Variants in GRIA2 observed in about 807,000 individuals in gnomAD.
GRIA2 encodes the protein glutamate receptor 2.
Under a neutral mutation model 97.3 loss-of-function variants are expected in GRIA2, and 14 were observed. That is an observed-to-expected ratio of 0.14 (90% confidence interval 0.10 to 0.23). GRIA2 has a LOEUF of 0.23. Among genes scored for constraint, GRIA2 ranks in the 10% least tolerant of loss-of-function variants. GRIA2 has a pLI of 1.00. For missense variants in GRIA2, 558 were observed against 1,069.8 expected (o/e 0.52, Z 6.67); for synonymous variants, 412 against 387.8 (o/e 1.06, Z -0.73).
At chr4:157,282,547 G>T (rs1222847345) in intron 2 of GRIA2, among the ~76,000 whole-genome samples, 1 of 152,056 alleles carries the variant, frequency 6.6e-6, no homozygotes, top group East Asian at 1.9e-4. Context: ...GATGATATGG[G>T]GTTAAGAGGA....
rs1201670749 is a variant in GRIA2, at chr4:157,345,778, G to A, written c.2043+4316G>A. Among the ~76,000 whole-genome samples, 4 of 152,152 alleles carry A rather than the reference G, an allele frequency of 2.6e-5. No individual in the cohort carries two copies. In the East Asian group the frequency reaches 7.7e-4, roughly 29 times the overall value. On this transcript the variant is annotated intron_variant, in intron 12 of 15. Coordinates refer to ENST00000264426, the MANE Select transcript of GRIA2 (RefSeq NM_001083619.3). ...TGGTTGTCTCCTCTGGGAGGATGAA[G>A]GACACAGATTATTCTCTAAATATAT... is the stretch of plus-strand genomic sequence containing the variant.
intron 2 of GRIA2, among the ~76,000 whole-genome samples, chr4:157,267,794 T>C (rs1257706455): frequency 2.6e-5 from 4 of 152,126 alleles, no homozygotes; most frequent in African/African-American, 9.7e-5. Context: ...TTGACATGGC[T>C]GAGTAACAAG....
At chr4:157,318,103 A>G (rs916394649) in intron 5 of GRIA2, among the ~76,000 whole-genome samples, 4 of 152,136 alleles carry the variant, frequency 2.6e-5, no homozygotes, top group African/African-American at 9.7e-5. Context: ...AAATGATATA[A>G]GAATTTATAG....
chr4:157,316,567 A>T (rs1233384246), intron 4 of GRIA2, among the ~76,000 whole-genome samples: 1 of 152,048 alleles, frequency 6.6e-6, no homozygotes, highest in Admixed American at 6.6e-5. Context: ...CTTTCCAAGC[A>T]GACAAGCAGA....
At chr4:157,330,928 C>T (rs1735022634) in intron 6 of GRIA2, among the ~76,000 whole-genome samples, 1 of 151,892 alleles carries the variant, frequency 6.6e-6, no homozygotes, top group African/African-American at 2.4e-5. Flanking sequence ...CCATCATGCT[C>T]CTTTCAAATT....
intron 1 of GRIA2, 23 bp downstream of exon 1, chr4:157,221,153 T>A (rs758204467): frequency 3.5e-6 from 4 of 1,131,724 alleles, no homozygotes; most frequent in Non-Finnish European, 5.4e-6. Context: ...TGTGCTATGC[T>A]TTTGAATTGT....
chr4:157,241,533 T>G (rs1730510876), intron 2 of GRIA2, among the ~76,000 whole-genome samples: 1 of 152,100 alleles, frequency 6.6e-6, no homozygotes, highest in South Asian at 2.1e-4. Context: ...TTTAGTTGAT[T>G]TTGCCCTTCT....
At chr4:157,304,753 C>T (rs1040110604) in intron 3 of GRIA2, among the ~76,000 whole-genome samples, 1 of 152,056 alleles carries the variant, frequency 6.6e-6, no homozygotes, top group East Asian at 1.9e-4. Flanking sequence ...CTATTTCGAC[C>T]AAGATAGGGC....
intron 3 of GRIA2, among the ~76,000 whole-genome samples, chr4:157,305,622 T>C (rs1733809235): frequency 6.6e-6 from 1 of 152,116 alleles, no homozygotes; most frequent in Non-Finnish European, 1.5e-5. Context: ...CTTTCTCAGA[T>C]GCACCAAACT....
chr4:157,357,591 C>G (rs913063814), intron 12 of GRIA2, among the ~76,000 whole-genome samples: 3 of 151,956 alleles, frequency 2.0e-5, no homozygotes, highest in African/African-American at 7.3e-5. Flanking sequence ...AATCATGCTC[C>G]TCATAAGAAT....
intron 2 of GRIA2, among the ~76,000 whole-genome samples, chr4:157,274,408 G>T (rs939522808): frequency 2.7e-5 from 4 of 149,944 alleles, no homozygotes; most frequent in Non-Finnish European, 4.4e-5. Flanking sequence ...GGGTACATGT[G>T]CACAATGTGC....
At chr4:157,238,334 A>G (rs1161819413) in intron 2 of GRIA2, among the ~76,000 whole-genome samples, 1 of 152,152 alleles carries the variant, frequency 6.6e-6, no homozygotes, top group African/African-American at 2.4e-5. Context: ...TATGAACTTA[A>G]TGTGGGCTTA....
chr4:157,304,399 A>T (rs1579347820), intron 3 of GRIA2, among the ~76,000 whole-genome samples: 1 of 152,148 alleles, frequency 6.6e-6, no homozygotes, highest in African/African-American at 2.4e-5. Flanking sequence ...TTGATTCATT[A>T]TGTTAAAATG....
chr4:157,290,057 C>G lies in GRIA2; in HGVS notation c.230-13495C>G, dbSNP rs943156086. Among the ~76,000 whole-genome samples the G allele has an allele frequency of 5.9e-5, 9 of 151,790 alleles. No individual in the cohort carries two copies. In the Admixed American group the frequency reaches 5.9e-4, roughly 10 times the overall value. On this transcript the variant is annotated intron_variant, in intron 2 of 15. Coordinates refer to ENST00000264426, the MANE Select transcript of GRIA2 (RefSeq NM_001083619.3). ...ATGACTTTATAGATGTAAGACCTTA[C>G]ATAGTACCTGGCACATAATTTTATA... is the stretch of plus-strand genomic sequence containing the variant.
chr4:157,249,066 C>G (rs1730909219), intron 2 of GRIA2, among the ~76,000 whole-genome samples: 1 of 151,976 alleles, frequency 6.6e-6, no homozygotes. Context: ...ATCTCCTGGC[C>G]TCAAGTGATC....
At chr4:157,256,314 CAT>C (rs1219550568) in intron 2 of GRIA2, among the ~76,000 whole-genome samples, 175 of 136,562 alleles carry the variant, frequency 1.3e-3, no homozygotes, top group African/African-American at 4.4e-3. Flanking sequence ...TTATATATTA[CAT>C]ATATATGTTT....
intron 2 of GRIA2, among the ~76,000 whole-genome samples, chr4:157,225,177 G>A (rs912331000): frequency 6.6e-6 from 1 of 151,962 alleles, no homozygotes; most frequent in Non-Finnish European, 1.5e-5. Flanking sequence ...TTCTGAACTG[G>A]GTAAAATGAT....
rs531920305 is a variant in GRIA2, at chr4:157,339,573, T to A, written c.1845-1691T>A. The stretch of plus-strand genomic sequence containing the variant: ...ATCAGTTGACATATTAAATCTGATA[T>A]AAGGACTGGAATAGAGGACAACTTA... On this transcript the variant is annotated intron_variant, in intron 11 of 15. Transcript: ENST00000264426. 2.2e-4 allele frequency among the ~76,000 whole-genome samples: 33 copies of A among 152,066 alleles called. 1 individual carries two copies. In the South Asian group the frequency reaches 6.6e-3, roughly 31 times the overall value.
At position 157,248,745 on chromosome 4, in the gene GRIA2, A is replaced by G. The variant is rs13113782; in HGVS notation, c.229+26938A>G. 1.2e-4 allele frequency among the ~76,000 whole-genome samples: 17 copies of G among 141,920 alleles called. 1 individual carries two copies. The Admixed American group carries it at 1.2e-3, about 10-fold the overall frequency. 93.1% of individuals were successfully genotyped at this position (141,920 alleles called of 152,430 possible). A position where few individuals can be genotyped will look rare whatever the true frequency, so the allele number is the denominator to read the frequency against. ...TGTGTATATACACGTATGTATATAT[A>G]TATACCGACCATGGCAGAGAATTCC... On this transcript the variant is annotated intron_variant, in intron 2 of 15. Transcript: ENST00000264426.
Sources: allele counts gnomAD v4.1 joint callset (sites outside exome capture counted in the v4.1 genomes callset), GRCh38; gene constraint gnomAD v4.1.1; transcripts MANE v1.5; gene names NCBI Gene and HGNC (gene_info 2026-07-23, HGNC 2026-07-21).